The following LRRC25 variants were observed in gnomAD, a reference collection of about 807,000 sequenced individuals.
The protein encoded by LRRC25 is leucine-rich repeat-containing protein 25.
Under a neutral mutation model 18.8 loss-of-function variants are expected in LRRC25, and 5 were observed. The ratio of observed to expected loss-of-function variants is 0.27; its 90% CI spans 0.14 to 0.56. The LOEUF is 0.56. Among genes scored for constraint, LRRC25 ranks in the 20% least tolerant of loss-of-function variants. The pLI, the probability that LRRC25 is intolerant of heterozygous loss-of-function variation, is 0.93. For synonymous variants in LRRC25, 161 were observed against 176.8 expected, an observed-to-expected ratio of 0.91 and a Z score of 0.71; for missense variants, 341 against 389.8, an observed-to-expected ratio of 0.87 and a Z score of 1.05.
intron 1 of LRRC25, among the ~76,000 whole-genome samples, chr19:18,392,380 T>C (rs992870292): frequency 2.6e-5 from 4 of 152,074 alleles, no homozygotes; most frequent in Admixed American, 1.3e-4. Flanking sequence ...TAGTCCCAGC[T>C]ACTCGGGAGT....
chr19:18,393,856 A>T (rs1971931599), intron 1 of LRRC25, among the ~76,000 whole-genome samples: 1 of 152,126 alleles, frequency 6.6e-6, no homozygotes, highest in Non-Finnish European at 1.5e-5. Flanking sequence ...AATTCTAAAC[A>T]CAGTGTTTCT....
At chr19:18,392,497 GA>G (rs1047291715) in intron 1 of LRRC25, among the ~76,000 whole-genome samples, 38 of 143,228 alleles carry the variant, frequency 2.7e-4, no homozygotes, top group East Asian at 6.0e-4. Context: ...ATCTCAGAAG[GA>G]AAAAAAAAAA....
chr19:18,392,580 A>C (rs1341150832), intron 1 of LRRC25, among the ~76,000 whole-genome samples: 1 of 150,970 alleles, frequency 6.6e-6, no homozygotes, highest in Non-Finnish European at 1.5e-5. Flanking sequence ...TAGCGTTCTG[A>C]CTCCTAGCCA....
At chr19:18,393,037 A>G (rs1971921867) in intron 1 of LRRC25, among the ~76,000 whole-genome samples, 1 of 152,076 alleles carries the variant, frequency 6.6e-6, no homozygotes. Context: ...ATTAAAATCT[A>G]AATTTTTGTT....
rs911189944 is a variant in LRRC25, at chr19:18,394,220, G to A, written c.779+1965C>T. ...TGTTCTTTCCCACCTCTGGGTCTCT[G>A]CCCCTGAGGGTCCCACCCCTTGAAA... On this transcript the variant is annotated intron_variant, in intron 1 of 1. Coordinates refer to ENST00000339007, the MANE Select transcript of LRRC25 (RefSeq NM_145256.3). 4.6e-5 allele frequency among the ~76,000 whole-genome samples: 7 copies of A among 151,736 alleles called. No homozygotes were observed. In the East Asian group the frequency reaches 1.2e-3, roughly 25 times the overall value.
In LRRC25 at chr19:18,397,095, G is replaced by T; in HGVS notation, c.-132C>A. ...GCCGCTTCTGAAATGGTAAAACGCAGCCCCAGTCTGGTCGCCTCCTTTGGC... is the reference window on the plus strand; with the variant it reads ...GCCGCTTCTGAAATGGTAAAACGCATCCCCAGTCTGGTCGCCTCCTTTGGC... On this transcript the variant is annotated 5_prime_UTR_variant, in exon 1 of 2. In the 5' UTR this introduces an upstream ATG that the reference lacks. Coordinates refer to ENST00000339007, the MANE Select transcript of LRRC25 (RefSeq NM_145256.3). 2 of 1,004,250 alleles carry T rather than the reference G, an allele frequency of 2.0e-6. No homozygotes were observed. The highest frequency in any genetic ancestry group is 2.8e-6 in the Non-Finnish European group (2 of 704,402). 62.2% of individuals were successfully genotyped at this position (1,004,250 alleles called of 1,614,324 possible).
At position 18,396,905 on chromosome 19, in the gene LRRC25, C is replaced by T. The variant is rs138085460; in HGVS notation, c.59G>A (p.Ser20Asn). 3.4e-4 allele frequency: 547 copies of T among 1,612,794 alleles called. 4 individuals are homozygous for T. In the African/African-American group the frequency reaches 6.5e-3, roughly 19 times the overall value. ...LLPLLLRESD[S>N]LEPSCTVSSA... is the part of the protein sequence containing the mutation. ...GGACACGGTGCACGACGGTTCTAGG[C>T]TGTCTGACTCCCGCAGCAGCAGCGG... The change falls in exon 1 of 2, where the codon AGC (serine) becomes AAC (asparagine). Residue 20 changes from serine (S) to asparagine (N), a missense_variant. Coordinates refer to ENST00000339007, the MANE Select transcript of LRRC25 (RefSeq NM_145256.3).
chr19:18,396,086 A>T, intron 1 of LRRC25, 99 bp downstream of exon 1: 2 of 1,431,324 alleles, frequency 1.4e-6, no homozygotes, highest in South Asian at 1.3e-5. Context: ...CTAAGATCCC[A>T]CAGCCTTCAA....
In LRRC25 at chr19:18,396,502, C is replaced by G; in HGVS notation, c.462G>C (p.Glu154Asp). The G allele has an allele frequency of 6.2e-7, 1 of 1,613,618 alleles. No homozygotes were observed. Among genetic ancestry groups the G allele is most frequent in the Non-Finnish European group, 8.5e-7 (1 of 1,180,042 alleles). ...SSQHNLSAFLEVSCAPGLASA... is the reference protein window; with the variant it reads ...SSQHNLSAFLDVSCAPGLASA... ...AGGCCAGGCCAGGGGCGCAGCTGAC[C>G]TCCAGGAAGGCAGAGAGGTTGTGCT... is the stretch of plus-strand genomic sequence containing the variant. The change falls in exon 1 of 2, where the codon GAG becomes GAC. Residue 154 changes from glutamate to aspartate, a missense_variant. Physicochemically the swap from Glu to Asp is conservative, Grantham distance 45. Coordinates refer to ENST00000339007, the MANE Select transcript of LRRC25 (RefSeq NM_145256.3).
chr19:18,394,176 C>G (rs990638003), intron 1 of LRRC25, among the ~76,000 whole-genome samples: 2 of 152,144 alleles, frequency 1.3e-5, no homozygotes, highest in Non-Finnish European at 2.9e-5. Flanking sequence ...TTCTCAAAAA[C>G]CATTCACAGC....
At chr19:18,392,427 G>T (rs1971913667) in intron 1 of LRRC25, among the ~76,000 whole-genome samples, 1 of 152,154 alleles carries the variant, frequency 6.6e-6, no homozygotes, top group African/African-American at 2.4e-5. Flanking sequence ...AGGAGGTAGA[G>T]GTTGTAGTGA....
At chr19:18,394,334 C>T (rs1356699611) in intron 1 of LRRC25, among the ~76,000 whole-genome samples, 2 of 134,998 alleles carry the variant, frequency 1.5e-5, no homozygotes, top group African/African-American at 5.8e-5. Flanking sequence ...GAGACGGAGT[C>T]TCGCTCTGTC....
Position 18,391,792 on chromosome 19 carries a change from T to G in LRRC25, c.*195A>C. The G allele has an allele frequency of 1.7e-6, 1 of 590,318 alleles. No individual in the cohort carries two copies. The highest frequency in any genetic ancestry group is 2.9e-6 in the Non-Finnish European group (1 of 340,482). The allele number at this position is 590,318 out of a possible 1,614,324, so 36.6% of individuals were successfully genotyped here. The stretch of plus-strand genomic sequence containing the variant: ...TGTTGGGGGTCTCTCCTCTTCCCCC[T>G]CTAGGAGCTGAGGGAGCTGAGGAGC... On this transcript the variant is annotated 3_prime_UTR_variant, in exon 2 of 2. Coordinates refer to ENST00000339007, the MANE Select transcript of LRRC25 (RefSeq NM_145256.3).
Position 18,392,077 on chromosome 19 carries a change from G to A in LRRC25, c.828C>T (p.Ile276=), listed in dbSNP as rs1240858300. The change falls in exon 2 of 2, where the codon ATC becomes ATT. Residue 276 remains isoleucine, a synonymous_variant. Coordinates refer to ENST00000339007, the MANE Select transcript of LRRC25 (RefSeq NM_145256.3). The part of the protein sequence containing the change: ...DNDFYINYKD[I]DLASQPVYCN... Reference sequence around the variant, plus strand: ...AGTAGACAGGCTGGGAAGCCAGGTCGATGTCCTTGTAGTTGATGTAAAAGT... The same window carrying A: ...AGTAGACAGGCTGGGAAGCCAGGTCAATGTCCTTGTAGTTGATGTAAAAGT... 3 of 1,614,030 alleles carry A rather than the reference G, an allele frequency of 1.9e-6. No individual in the cohort carries two copies. Among genetic ancestry groups the A allele is most frequent in the East Asian group, 2.2e-5 (1 of 44,896 alleles).
chr19:18,394,608 T>C (rs549838986), intron 1 of LRRC25, among the ~76,000 whole-genome samples: 6 of 152,102 alleles, frequency 3.9e-5, no homozygotes, highest in Admixed American at 3.9e-4. Flanking sequence ...CCCGGCCTAA[T>C]TTTTGTATTT....
At chr19:18,394,946 G>T (rs967783887) in intron 1 of LRRC25, among the ~76,000 whole-genome samples, 1 of 152,152 alleles carries the variant, frequency 6.6e-6, no homozygotes, top group Non-Finnish European at 1.5e-5. Context: ...GGGTGCGGCG[G>T]CATGTGCCTG....
At chr19:18,396,062 G>A in intron 1 of LRRC25, 123 bp downstream of exon 1, 2 of 1,223,728 alleles carry the variant, frequency 1.6e-6, no homozygotes, top group Non-Finnish European at 2.3e-6. Flanking sequence ...GCTCAGAGAA[G>A]TAAAGCTACT....
Position 18,391,770 on chromosome 19 carries a change from TG to T in LRRC25, c.*216del. 2.0e-6 allele frequency: 1 copy of T among 511,506 alleles called. No homozygotes were observed. The highest frequency in any genetic ancestry group is 3.3e-5 in the East Asian group (1 of 30,150). 31.7% of individuals were successfully genotyped at this position (511,506 alleles called of 1,614,324 possible). A position where few individuals can be genotyped will look rare whatever the true frequency, so the allele number is the denominator to read the frequency against. On this transcript the variant is annotated 3_prime_UTR_variant, in exon 2 of 2. Transcript: ENST00000339007. Reference sequence around the variant, plus strand: ...CACAGTGACCGTCCTGTCCCCTTGTTGGGGGTCTCTCCTCTTCCCCCTCTAG... The same window carrying T: ...CACAGTGACCGTCCTGTCCCCTTGTTGGGGTCTCTCCTCTTCCCCCTCTAG...
At position 18,391,853 on chromosome 19, in the gene LRRC25, TG is replaced by T; in HGVS notation, c.*133del. 8.9e-7 allele frequency: 1 copy of T among 1,118,076 alleles called. No individual in the cohort carries two copies. Among genetic ancestry groups the T allele is most frequent in the South Asian group, 1.5e-5 (1 of 64,872 alleles). The allele number at this position is 1,118,076 out of a possible 1,614,324, so 69.3% of individuals were successfully genotyped here. ...ACAGGGAGGGGGCGGCAGAGCTTCCTGGGGCCTCAAGGACAATCCTTTCCTG... is the reference window on the plus strand; with the variant it reads ...ACAGGGAGGGGGCGGCAGAGCTTCCTGGGCCTCAAGGACAATCCTTTCCTG... On this transcript the variant is annotated 3_prime_UTR_variant, in exon 2 of 2. Transcript: ENST00000339007.
Sources: allele counts gnomAD v4.1 joint callset (sites outside exome capture counted in the v4.1 genomes callset), GRCh38; gene constraint gnomAD v4.1.1; transcripts MANE v1.5; gene names NCBI Gene and HGNC (gene_info 2026-07-23, HGNC 2026-07-21).